The following LRRC8E variants were observed in gnomAD, a reference collection of about 807,000 sequenced individuals.
LRRC8E encodes leucine rich repeat containing 8 VRAC subunit E.
A neutral mutation model predicts 6.1 loss-of-function variants in LRRC8E; 6 were observed. The ratio of observed to expected loss-of-function variants is 0.98; its 90% CI spans 0.54 to 1.93. The LOEUF (loss-of-function observed/expected upper bound fraction) is 1.93, where lower values mean the gene tolerates loss of function less well. Among genes scored for constraint, LRRC8E ranks in the 30% most tolerant of loss-of-function variants. LRRC8E has a pLI of 0.01. For missense variants in LRRC8E, 1,028 were observed against 1,031.4 expected (o/e 1.00, Z 0.04); for synonymous variants, 485 against 472.8 (o/e 1.03, Z -0.33).
At position 7,900,036 on chromosome 19, in the gene LRRC8E, G is replaced by T. The variant is rs1446173884; in HGVS notation, c.1514G>T (p.Gly505Val). ...ELREVPLWVF[G>V]LRGLEELHLE... ...CGCGAGGTGCCGCTTTGGGTGTTTG[G>T]GCTGCGGGGCTTGGAGGAGCTGCAC... Residue 505 changes from glycine (G) to valine (V), a missense_variant, in exon 3 of 3, where the codon GGG (glycine) becomes GTG (valine). Coordinates refer to ENST00000306708, the MANE Select transcript of LRRC8E (RefSeq NM_025061.6). The surrounding 1 kb of genome is among the most constrained non-coding windows in gnomAD (Gnocchi z 5.0). 1 of 1,610,628 alleles carries T rather than the reference G, an allele frequency of 6.2e-7. No homozygotes were observed. The highest frequency in any genetic ancestry group is 1.1e-5 in the South Asian group (1 of 90,846).
chr19:7,899,807 C>T lies in LRRC8E; in HGVS notation c.1285C>T (p.Leu429=). The T allele has an allele frequency of 6.2e-7, 1 of 1,607,828 alleles. No homozygotes were observed. The highest frequency in any genetic ancestry group is 8.5e-7 in the Non-Finnish European group (1 of 1,179,958). Residue 429 remains leucine (L), a synonymous_variant, in exon 3 of 3, where the codon CTG becomes TTG. Coordinates refer to ENST00000306708, the MANE Select transcript of LRRC8E (RefSeq NM_025061.6). ...GCTGGCCCTCTGCATGCTGCCGGGT[C>T]TGCCCGACACCGTCTTTGAGCTCAG... ...LELALCMLPG[L]PDTVFELSEV... is the part of the protein sequence containing the mutation.
Position 7,899,445 on chromosome 19 carries a change from T to C in LRRC8E, c.923T>C (p.Leu308Pro). The change falls in exon 3 of 3, where the codon CTC becomes CCC. Residue 308 changes from leucine (L) to proline (P), a missense_variant. Leu to Pro is a moderately conservative substitution (Grantham distance 98). Coordinates refer to ENST00000306708, the MANE Select transcript of LRRC8E (RefSeq NM_025061.6). Reference protein sequence around the residue: ...SFCCNHTKAHLFSKLAFCYIS... With the variant: ...SFCCNHTKAHPFSKLAFCYIS... ...TGCTGCAACCACACCAAGGCCCACC[T>C]CTTCTCCAAGCTGGCCTTCTGTTAC... The C allele has an allele frequency of 6.2e-7, 1 of 1,614,146 alleles. No homozygotes were observed. Among genetic ancestry groups the C allele is most frequent in the East Asian group, 2.2e-5 (1 of 44,876 alleles).
chr19:7,895,602 G>A lies in LRRC8E; in HGVS notation c.-2G>A, dbSNP rs766024137. The stretch of plus-strand genomic sequence containing the variant: ...CCCGTCTCGTCCCGTCCCACAGGCA[G>A]CATGATCCCAGTGGCCGAGTTCAAG... On this transcript the variant is annotated 5_prime_UTR_variant, in exon 2 of 3. Transcript: ENST00000306708. The surrounding 1 kb of genome is among the most constrained non-coding windows in gnomAD (Gnocchi z 4.7). 10 of 1,612,580 alleles carry A rather than the reference G, an allele frequency of 6.2e-6. No homozygotes were observed. The Admixed American group carries it at 1.5e-4, about 24-fold the overall frequency.
In LRRC8E at chr19:7,901,201, C is replaced by A; in HGVS notation, c.*288C>A. ...GTCTCTGGCAGGCTGGCTGGCCTTG[C>A]TCCCATCCCTAGAACTGCTGCCTCT... On this transcript the variant is annotated 3_prime_UTR_variant, in exon 3 of 3. Transcript: ENST00000306708. The A allele has an allele frequency of 3.3e-6, 1 of 298,988 alleles. No individual in the cohort carries two copies. Among genetic ancestry groups the A allele is most frequent in the Non-Finnish European group, 6.3e-6 (1 of 159,202 alleles). 18.5% of individuals were successfully genotyped at this position (298,988 alleles called of 1,614,324 possible).
At position 7,901,026 on chromosome 19, in the gene LRRC8E, G is replaced by C. The variant is rs900105532; in HGVS notation, c.*113G>C. ...TGGGTCCAGGCCAGGAGATGGGGGGGGCGGGGGCAGCTGTGTCATCTTTCT... is the reference window on the plus strand; with the variant it reads ...TGGGTCCAGGCCAGGAGATGGGGGGCGCGGGGGCAGCTGTGTCATCTTTCT... On this transcript the variant is annotated 3_prime_UTR_variant, in exon 3 of 3. Coordinates refer to ENST00000306708, the MANE Select transcript of LRRC8E (RefSeq NM_025061.6). 6 of 646,922 alleles carry C rather than the reference G, an allele frequency of 9.3e-6. 1 individual carries two copies. The African/African-American group carries it at 1.1e-4, about 12-fold the overall frequency. 40.1% of individuals were successfully genotyped at this position (646,922 alleles called of 1,614,324 possible).
At position 7,899,024 on chromosome 19, in the gene LRRC8E, G is replaced by A. The variant is rs1431252227; in HGVS notation, c.502G>A (p.Glu168Lys). Residue 168 changes from glutamate (E) to lysine (K), a missense_variant, in exon 3 of 3, where the codon GAG (glutamate) becomes AAG (lysine). Transcript: ENST00000306708. The part of the protein sequence containing the change: ...DSPWTTRALS[E>K]VSGENQKGPA... ...TCCATGGACCACCAGGGCCCTATCCGAGGTCTCCGGGGAGAACCAGAAGGG... is the reference window on the plus strand; with the variant it reads ...TCCATGGACCACCAGGGCCCTATCCAAGGTCTCCGGGGAGAACCAGAAGGG... The A allele has an allele frequency of 5.0e-6, 8 of 1,613,818 alleles. No individual in the cohort carries two copies. The East Asian group carries it at 6.7e-5, about 13-fold the overall frequency.
intron 1 of LRRC8E, among the ~76,000 whole-genome samples, chr19:7,889,244 G>A (rs1599600333): frequency 6.6e-6 from 1 of 151,142 alleles, no homozygotes; most frequent in East Asian, 2.0e-4. Flanking sequence ...CTGAGGTCAG[G>A]TGTTTGAGAC....
chr19:7,888,666 T>A (rs1981142502), intron 1 of LRRC8E, 66 bp downstream of exon 1: 1 of 151,302 alleles, frequency 6.6e-6, no homozygotes, highest in South Asian at 2.1e-4. Flanking sequence ...GGGCTGGGAG[T>A]CCCCGGGTCT....
chr19:7,900,900 T>C lies in LRRC8E; in HGVS notation c.2378T>C (p.Met793Thr), dbSNP rs781261980. The C allele has an allele frequency of 1.3e-6, 2 of 1,519,334 alleles. No homozygotes were observed. Among genetic ancestry groups the C allele is most frequent in the Non-Finnish European group, 1.8e-6 (2 of 1,136,114 alleles). The allele number at this position is 1,519,334 out of a possible 1,614,324, so 94.1% of individuals were successfully genotyped here. The change falls in exon 3 of 3, where the codon ATG becomes ACG. Residue 793 changes from methionine (M) to threonine (T), a missense_variant. By Grantham distance (81) the Met-to-Thr change is moderately conservative (BLOSUM62 -1). Coordinates refer to ENST00000306708, the MANE Select transcript of LRRC8E (RefSeq NM_025061.6). The surrounding 1 kb of genome is among the most constrained non-coding windows in gnomAD (Gnocchi z 5.0). Reference protein sequence around the residue: ...QGLPAEVRDKMEEE With the variant: ...QGLPAEVRDKTEEE ...CTGCCGGCAGAAGTGCGGGACAAGA[T>C]GGAGGAGGAATGAAGCTGGGGTGGG...
At chr19:7,893,373 T>A (rs1195142456) in intron 1 of LRRC8E, among the ~76,000 whole-genome samples, 2 of 151,634 alleles carry the variant, frequency 1.3e-5, no homozygotes, top group Non-Finnish European at 2.9e-5. Context: ...ACTCCTAACC[T>A]CAAGTGATCT....
In LRRC8E at chr19:7,895,978, C is replaced by G. The variant is rs1183107278; in HGVS notation, c.138+237C>G. On this transcript the variant is annotated intron_variant, in intron 2 of 2. Coordinates refer to ENST00000306708, the MANE Select transcript of LRRC8E (RefSeq NM_025061.6). The surrounding 1 kb of genome is among the most constrained non-coding windows in gnomAD (Gnocchi z 4.7). ...TTTGAGACGGAGTCTCACTCTGTCA[C>G]CCAGGCTAGAGTACAGTGGCATGAT... 6.6e-6 allele frequency among the ~76,000 whole-genome samples: 1 copy of G among 152,128 alleles called. No homozygotes were observed. Among genetic ancestry groups the G allele is most frequent in the Non-Finnish European group, 1.5e-5 (1 of 68,022 alleles).
In LRRC8E at chr19:7,899,535, C is replaced by T. The variant is rs1305321446; in HGVS notation, c.1013C>T (p.Pro338Leu). 1 of 1,613,936 alleles carries T rather than the reference C, an allele frequency of 6.2e-7. No homozygotes were observed. The highest frequency in any genetic ancestry group is 1.1e-5 in the South Asian group (1 of 91,088). Residue 338 changes from proline to leucine, a missense_variant, in exon 3 of 3, where the codon CCC becomes CTC. Physicochemically the swap from Pro to Leu is moderately conservative, Grantham distance 98 (BLOSUM62 -3). Coordinates refer to ENST00000306708, the MANE Select transcript of LRRC8E (RefSeq NM_025061.6). ...ACGCTCTACTGGCTCTTCCACCGGC[C>T]CCTCAAGGAGTACTCCTTCCGTTCC... Reference protein sequence around the residue: ...IYTLYWLFHRPLKEYSFRSVR... With the variant: ...IYTLYWLFHRLLKEYSFRSVR...
In LRRC8E at chr19:7,899,312, T is replaced by G. The variant is rs780968338; in HGVS notation, c.790T>G (p.Cys264Gly). The change falls in exon 3 of 3, where the codon TGT becomes GGT. Residue 264 changes from cysteine to glycine, a missense_variant. Cys to Gly is a radical substitution (Grantham distance 159). Coordinates refer to ENST00000306708, the MANE Select transcript of LRRC8E (RefSeq NM_025061.6). ...CATCCGACAGACGGTGCTGAAAGTG[T>G]GTAAGTTCCTGGCCATCCTGGTCTA... is the stretch of plus-strand genomic sequence containing the variant. ...MYIRQTVLKV[C>G]KFLAILVYNL... 1 of 1,614,202 alleles carries G rather than the reference T, an allele frequency of 6.2e-7. No homozygotes were observed. The highest frequency in any genetic ancestry group is 1.1e-5 in the South Asian group (1 of 91,086).
At chr19:7,889,736 C>CCA (rs1401744115) in intron 1 of LRRC8E, among the ~76,000 whole-genome samples, 13 of 145,502 alleles carry the variant, frequency 8.9e-5, no homozygotes, top group African/African-American at 3.3e-4. Flanking sequence ...GAGCAAGACT[C>CCA]TATCTCTCTC....
In LRRC8E at chr19:7,901,193, T is replaced by G; in HGVS notation, c.*280T>G. The stretch of plus-strand genomic sequence containing the variant: ...ACACCTGTGTCTCTGGCAGGCTGGC[T>G]GGCCTTGCTCCCATCCCTAGAACTG... On this transcript the variant is annotated 3_prime_UTR_variant, in exon 3 of 3. Transcript: ENST00000306708. 3.2e-6 allele frequency: 1 copy of G among 314,244 alleles called. No homozygotes were observed. The highest frequency in any genetic ancestry group is 5.9e-6 in the Non-Finnish European group (1 of 168,702). 19.5% of individuals were successfully genotyped at this position (314,244 alleles called of 1,614,324 possible).
At chr19:7,896,510 G>A (rs1358564680) in intron 2 of LRRC8E, among the ~76,000 whole-genome samples, 3 of 151,580 alleles carry the variant, frequency 2.0e-5, no homozygotes, top group African/African-American at 7.3e-5. Context: ...GGAGGTGGAG[G>A]TTGCAGTGAG....
intron 1 of LRRC8E, among the ~76,000 whole-genome samples, chr19:7,894,647 T>C (rs1351283002): frequency 1.3e-5 from 2 of 152,190 alleles, no homozygotes; most frequent in South Asian, 2.1e-4. Flanking sequence ...CTCCAGCCTC[T>C]GGGGAAGTAG....
chr19:7,892,970 A>G (rs1981395260), intron 1 of LRRC8E, among the ~76,000 whole-genome samples: 1 of 152,054 alleles, frequency 6.6e-6, no homozygotes, highest in Non-Finnish European at 1.5e-5. Context: ...GACTACAGGC[A>G]CCCTCCACCA....
rs1370517256 is a variant in LRRC8E at position 7,900,443 on chromosome 19, C to T, written c.1921C>T (p.Gln641Ter). ...GGTCACGCTCAGGCTGTGGCACAAC[C>T]AGATCGCCTACGTCCCTGAGCACGT... ...KLVTLRLWHN[Q>*]IAYVPEHVRK... Residue 641 changes from glutamine (Q) to a stop codon, truncating the protein, a stop_gained, in exon 3 of 3, where the codon CAG becomes TAG. Coordinates refer to ENST00000306708, the MANE Select transcript of LRRC8E (RefSeq NM_025061.6). LOFTEE classifies it low-confidence loss of function (END_TRUNC). The surrounding 1 kb of genome is among the most constrained non-coding windows in gnomAD (Gnocchi z 5.0). The T allele has an allele frequency of 1.9e-6, 3 of 1,612,984 alleles. No homozygotes were observed. The highest frequency in any genetic ancestry group is 2.5e-6 in the Non-Finnish European group (3 of 1,179,972).
Sources: allele counts gnomAD v4.1 joint callset (sites outside exome capture counted in the v4.1 genomes callset), GRCh38; gene constraint gnomAD v4.1.1; non-coding constraint Gnocchi (gnomAD v3.1); transcripts MANE v1.5; gene names NCBI Gene and HGNC (gene_info 2026-07-23, HGNC 2026-07-21).